The following NOB1 variants were observed in gnomAD, a reference collection of about 807,000 sequenced individuals.
NOB1 encodes NIN1 (RPN12) binding protein 1 homolog, also known as RNA-binding protein NOB1.
Under a neutral mutation model 44.8 loss-of-function variants are expected in NOB1, and 44 were observed. That is an observed-to-expected ratio of 0.98 (90% CI 0.77 to 1.26). NOB1 has a LOEUF of 1.26. Among genes scored for constraint, NOB1 ranks in the 50% most tolerant of loss-of-function variants. The pLI is 0.00. For missense variants in NOB1, 560 were observed against 544.8 expected, an observed-to-expected ratio of 1.03 and a Z score of -0.28; for synonymous variants, 238 against 218.7, an observed-to-expected ratio of 1.09 and a Z score of -0.78.
At chr16:69,748,856 C>T (rs2038455977) in intron 6 of NOB1, 62 bp downstream of exon 6, 3 of 1,405,634 alleles carry the variant, frequency 2.1e-6, no homozygotes, top group South Asian at 1.4e-5. Context: ...TACATCTGTA[C>T]ACCTCGGTAG....
At chr16:69,750,349 T>A (rs2151754382) in intron 3 of NOB1, among the ~76,000 whole-genome samples, 1 of 152,004 alleles carries the variant, frequency 6.6e-6, no homozygotes, top group Non-Finnish European at 1.5e-5. Flanking sequence ...AATAAAAAAA[T>A]AGCTGGGTGC....
chr16:69,748,185 A>T, intron 7 of NOB1, 47 bp downstream of exon 7: 1 of 1,400,068 alleles, frequency 7.1e-7, no homozygotes, highest in Non-Finnish European at 1.0e-6. Context: ...AAGAAACAGG[A>T]AGAGTGTTCC....
intron 4 of NOB1, 52 bp downstream of exon 4, chr16:69,749,507 G>A (rs1352658509): frequency 1.3e-6 from 2 of 1,559,958 alleles, no homozygotes; most frequent in Admixed American, 1.7e-5. Context: ...TTAGAGAGAT[G>A]TGACATGTTT....
chr16:69,750,981 CCA>C (rs2038478047), intron 3 of NOB1, among the ~76,000 whole-genome samples: 1 of 152,180 alleles, frequency 6.6e-6, no homozygotes, highest in African/African-American at 2.4e-5. Context: ...TTCAACCTAG[CCA>C]CAGTGGGTAA....
At chr16:69,749,385 C>T (rs770254050) in intron 4 of NOB1, 47 bp from the exon 5 acceptor site, 1 of 1,581,148 alleles carries the variant, frequency 6.3e-7, no homozygotes, top group East Asian at 2.2e-5. Flanking sequence ...TCATCTGTAG[C>T]CACCTCTCAG....
intron 4 of NOB1, 37 bp from the exon 5 acceptor site, chr16:69,749,375 T>G (rs1287137893): frequency 6.3e-7 from 1 of 1,581,154 alleles, no homozygotes; most frequent in African/African-American, 1.4e-5. Context: ...ACCTGAAAAT[T>G]CATCTGTAGC....
rs774343651 is a variant in NOB1, at chr16:69,752,248, G to C, written c.320C>G (p.Pro107Arg). The change falls in exon 3 of 9, where the codon CCA becomes CGA. Residue 107 changes from proline to arginine, a missense_variant. Physicochemically the swap from Pro to Arg is moderately radical, Grantham distance 103 (BLOSUM62 -2). Coordinates refer to ENST00000268802, the MANE Select transcript of NOB1 (RefSeq NM_014062.3). ...CCCATCCTCTTGATTTACCTTCTGT[G>C]GTTCTTGTTTTAGGTGAGACACCCC... ...FVGVSHLKQE[P>R]QKVKVSSSIQ... is the part of the protein sequence containing the mutation. The C allele has an allele frequency of 8.7e-6, 14 of 1,611,478 alleles. No homozygotes were observed. The East Asian group carries it at 2.0e-4, about 23-fold the overall frequency.
In NOB1 at chr16:69,748,283, A is replaced by C. The variant is rs757908565; in HGVS notation, c.773T>G (p.Met258Arg). ...GTAGCTCCGGGCCTCACGAATCAGC[A>C]TGCCGTTCACCGCCAGCACGTGCAG... ...MGLHVLAVNG[M>R]LIREARSYIL... The change falls in exon 7 of 9, where the codon ATG becomes AGG. Residue 258 changes from methionine (M) to arginine (R), a missense_variant. By Grantham distance (91) the Met-to-Arg change is moderately conservative. Coordinates refer to ENST00000268802, the MANE Select transcript of NOB1 (RefSeq NM_014062.3). 1 of 1,614,152 alleles carries C rather than the reference A, an allele frequency of 6.2e-7. No individual in the cohort carries two copies. Among genetic ancestry groups the C allele is most frequent in the Admixed American group, 1.7e-5 (1 of 60,014 alleles).
intron 8 of NOB1, 37 bp from the exon 9 acceptor site, chr16:69,742,638 G>T (rs1386766145): frequency 1.0e-5 from 16 of 1,606,300 alleles, no homozygotes; most frequent in African/African-American, 6.7e-5. Flanking sequence ...TAGAAGAAGG[G>T]GAGCCACAGT....
chr16:69,751,626 G>A (rs1318355620), intron 3 of NOB1, among the ~76,000 whole-genome samples: 1 of 152,234 alleles, frequency 6.6e-6, no homozygotes, highest in Non-Finnish European at 1.5e-5. Context: ...TGTGAATGTT[G>A]ACTGGATATT....
At chr16:69,753,233 AG>A (rs2038497526) in intron 2 of NOB1, among the ~76,000 whole-genome samples, 2 of 152,178 alleles carry the variant, frequency 1.3e-5, no homozygotes, top group Non-Finnish European at 2.9e-5. Flanking sequence ...AAAAAAAAAA[AG>A]TTTCAGATTT....
intron 7 of NOB1, among the ~76,000 whole-genome samples, chr16:69,746,190 C>T (rs557761452): frequency 6.6e-6 from 1 of 152,324 alleles, no homozygotes; most frequent in Admixed American, 6.5e-5. Context: ...GGCAACGCCC[C>T]GCCCACTGGA....
intron 2 of NOB1, 72 bp from the exon 3 acceptor site, chr16:69,752,443 T>A (rs2038490919): frequency 6.7e-7 from 1 of 1,494,182 alleles, no homozygotes; most frequent in East Asian, 2.3e-5. Flanking sequence ...AATGGAAGTA[T>A]CAAAACAATT....
chr16:69,754,896 C>G lies in NOB1; in HGVS notation c.15G>C (p.Glu5Asp). The change falls in exon 1 of 9, where the codon GAG becomes GAC. Residue 5 changes from glutamate (E) to aspartate (D), a missense_variant. Coordinates refer to ENST00000268802, the MANE Select transcript of NOB1 (RefSeq NM_014062.3). ...AAGCCCCAGCATCCGCCACAACGTG[C>G]TCCACTGGAGCCATGTTGGCTGCGT... MAPVEHVVADAGAFL... is the reference protein window; with the variant it reads MAPVDHVVADAGAFL... The G allele has an allele frequency of 6.3e-7, 1 of 1,591,014 alleles. No individual in the cohort carries two copies. Among genetic ancestry groups the G allele is most frequent in the Non-Finnish European group, 8.5e-7 (1 of 1,169,876 alleles).
intron 4 of NOB1, 27 bp downstream of exon 4, chr16:69,749,532 A>T (rs1025028673): frequency 5.6e-6 from 9 of 1,600,566 alleles, no homozygotes; most frequent in Non-Finnish European, 7.7e-6. Context: ...AAAGAGCATG[A>T]ACGGCCTGGC....
intron 8 of NOB1, among the ~76,000 whole-genome samples, chr16:69,743,235 C>T (rs2038400001): frequency 6.6e-6 from 1 of 152,036 alleles, no homozygotes. Context: ...ATAAATGAGA[C>T]TAAAAGGAAA....
chr16:69,747,803 AATG>A (rs1417867246), intron 7 of NOB1, among the ~76,000 whole-genome samples: 1 of 152,070 alleles, frequency 6.6e-6, no homozygotes, highest in Non-Finnish European at 1.5e-5. Flanking sequence ...GCCCCAGAGG[AATG>A]ATGAGGTGGA....
intron 8 of NOB1, among the ~76,000 whole-genome samples, chr16:69,743,261 A>G (rs978670872): frequency 2.6e-5 from 4 of 152,244 alleles, no homozygotes; most frequent in Non-Finnish European, 4.4e-5. Flanking sequence ...TCTTTACAGT[A>G]TAATACCAGG....
chr16:69,749,607 C>A lies in NOB1; in HGVS notation c.351G>T (p.Gln117His). Reference protein sequence around the residue: ...PQKVKVSSSIQHPETPLHISG... With the variant: ...PQKVKVSSSIHHPETPLHISG... ...AAATGTGCAGAGGTGTTTCTGGGTG[C>A]TGAATCGATGAGCTCACCTTAACCT... The change falls in exon 4 of 9, where the codon CAG (glutamine) becomes CAT (histidine). Residue 117 changes from glutamine to histidine, a missense_variant. Transcript: ENST00000268802. 1 of 1,613,124 alleles carries A rather than the reference C, an allele frequency of 6.2e-7. No individual in the cohort carries two copies. Among genetic ancestry groups the A allele is most frequent in the Non-Finnish European group, 8.5e-7 (1 of 1,179,700 alleles).
Sources: gnomAD v4.1 joint callset for allele counts (sites outside exome capture counted in the v4.1 genomes callset) on GRCh38, gnomAD v4.1.1 for gene constraint, MANE v1.5 for transcripts, NCBI Gene and HGNC (gene_info 2026-07-23, HGNC 2026-07-21) for gene names.